NCAM2: variants seen among roughly 807,000 people sequenced by gnomAD.
The protein encoded by NCAM2 is N-CAM-2.
NCAM2 carries 30 observed loss-of-function variants against 98.1 expected under a neutral mutation model. The observed-to-expected ratio is 0.31, with a 90% CI of 0.23 to 0.41. The LOEUF is 0.41. Ranked by LOEUF, NCAM2 falls within the 10% of genes least tolerant of loss-of-function variation. The pLI, the probability that NCAM2 is intolerant of heterozygous loss-of-function variation, is 1.00. For missense variants in NCAM2, 867 were observed against 1,005.8 expected, an observed-to-expected ratio of 0.86 and a Z score of 1.87; for synonymous variants, 368 against 342.4, an observed-to-expected ratio of 1.07 and a Z score of -0.83.
rs1568855390 is a variant in NCAM2, at chr21:21,265,031, G to GTGTCTGTGTATATATATACACA, written c.56-15546_56-15545insGTCTGTGTATATATATACACAT. ...ACATATATATTATATATGTGTCTGT[G>GTGTCTGTGTATATATATACACA]TATATATGTACACATATATACTATA... On this transcript the variant is annotated intron_variant, in intron 1 of 17. Transcript: ENST00000400546. Among the ~76,000 whole-genome samples the GTGTCTGTGTATATATATACACA allele has an allele frequency of 7.6e-5, 5 of 65,532 alleles. 1 individual carries two copies. Among genetic ancestry groups the GTGTCTGTGTATATATATACACA allele is most frequent in the Non-Finnish European group, 1.9e-4 (5 of 26,820 alleles). 43.0% of individuals were successfully genotyped at this position (65,532 alleles called of 152,430 possible). A position where few individuals can be genotyped will look rare whatever the true frequency, so the allele number is the denominator to read the frequency against.
intron 15 of NCAM2, among the ~76,000 whole-genome samples, chr21:21,492,736 A>G (rs1434183808): frequency 6.6e-6 from 1 of 151,936 alleles, no homozygotes; most frequent in Non-Finnish European, 1.5e-5. Flanking sequence ...CAATTTGCAT[A>G]GCAGCTATGT....
intron 1 of NCAM2, among the ~76,000 whole-genome samples, chr21:21,040,169 G>A (rs1555874994): frequency 6.6e-6 from 1 of 152,222 alleles, no homozygotes; most frequent in Non-Finnish European, 1.5e-5. Flanking sequence ...TTTAGAAAGA[G>A]GGAAAAAACT....
At chr21:21,242,171 A>G (rs1197911800) in intron 1 of NCAM2, among the ~76,000 whole-genome samples, 1 of 151,778 alleles carries the variant, frequency 6.6e-6, no homozygotes, top group African/African-American at 2.4e-5. Flanking sequence ...AAACCTCCCT[A>G]TTGTCTGTAT....
At chr21:21,318,090 G>T (rs2074271492) in intron 5 of NCAM2, among the ~76,000 whole-genome samples, 1 of 152,166 alleles carries the variant, frequency 6.6e-6, no homozygotes, top group Non-Finnish European at 1.5e-5. Context: ...CAGATACATG[G>T]TTGGAAAAGG....
chr21:21,245,665 T>C (rs771684255), intron 1 of NCAM2, among the ~76,000 whole-genome samples: 1 of 152,244 alleles, frequency 6.6e-6, no homozygotes, highest in Non-Finnish European at 1.5e-5. Context: ...CCCAAAATCA[T>C]GTTGTAAACA....
intron 15 of NCAM2, among the ~76,000 whole-genome samples, chr21:21,483,374 T>C (rs1986063517): frequency 6.6e-6 from 1 of 151,040 alleles, no homozygotes; most frequent in African/African-American, 2.5e-5. Flanking sequence ...CTAAAAAAAA[T>C]AATATAAATC....
chr21:21,438,478 A>C (rs1437739226), intron 12 of NCAM2, among the ~76,000 whole-genome samples: 1 of 152,120 alleles, frequency 6.6e-6, no homozygotes, highest in Non-Finnish European at 1.5e-5. Flanking sequence ...AATTATCCCA[A>C]CCAATGATGT....
intron 16 of NCAM2, among the ~76,000 whole-genome samples, chr21:21,530,080 ATAATTTAATT>A (rs948196661): frequency 7.0e-6 from 1 of 143,020 alleles, no homozygotes; most frequent in Non-Finnish European, 1.5e-5. Context: ...ATAAAATTAT[ATAATTTAATT>A]TAATTTAATT....
chr21:21,113,087 C>A (rs1357527274), intron 1 of NCAM2, among the ~76,000 whole-genome samples: 1 of 151,512 alleles, frequency 6.6e-6, no homozygotes, highest in Non-Finnish European at 1.5e-5. Flanking sequence ...CAGTGGTTCT[C>A]AAAGTGACAA....
At chr21:21,173,666 A>G (rs558393053) in intron 1 of NCAM2, among the ~76,000 whole-genome samples, 21 of 152,310 alleles carry the variant, frequency 1.4e-4, no homozygotes, top group Admixed American at 2.0e-4. Flanking sequence ...AGACAGTTGG[A>G]TGTAAATACA....
intron 1 of NCAM2, among the ~76,000 whole-genome samples, chr21:21,044,763 T>A: frequency 6.6e-6 from 1 of 151,350 alleles, no homozygotes; most frequent in African/African-American, 2.4e-5. Context: ...CCCAGGAGCT[T>A]GAGACCAGCC....
intron 1 of NCAM2, chr21:21,147,045 C>T (rs1184290564): frequency 1.6e-6 from 1 of 614,588 alleles, no homozygotes; most frequent in African/African-American, 4.2e-5. Context: ...CACTCCGGAA[C>T]TCATACGGCT....
At chr21:21,474,010 A>C (rs571338541) in intron 14 of NCAM2, among the ~76,000 whole-genome samples, 1 of 152,030 alleles carries the variant, frequency 6.6e-6, no homozygotes, top group East Asian at 1.9e-4. Flanking sequence ...AATAATAGCC[A>C]TATTCAGCAA....
At position 21,285,223 on chromosome 21, in the gene NCAM2, G is replaced by A. The variant is rs547958746; in HGVS notation, c.337+823G>A. 2.0e-5 allele frequency among the ~76,000 whole-genome samples: 3 copies of A among 151,854 alleles called. No individual in the cohort carries two copies. The South Asian group carries it at 6.2e-4, about 32-fold the overall frequency. On this transcript the variant is annotated intron_variant, in intron 3 of 17. Transcript: ENST00000400546. ...ATAGGTAGTTAGCATTTCTACCAAT[G>A]GTAAATTATATATATATTAGGAATG...
chr21:21,455,565 AAAAT>A (rs1982021896), intron 12 of NCAM2, among the ~76,000 whole-genome samples: 6 of 152,016 alleles, frequency 3.9e-5, no homozygotes, highest in Admixed American at 2.0e-4. Context: ...AACATGTTTT[AAAAT>A]GCTATATATC....
At chr21:21,084,528 T>C (rs747634578) in intron 1 of NCAM2, among the ~76,000 whole-genome samples, 10 of 152,226 alleles carry the variant, frequency 6.6e-5, no homozygotes, top group Non-Finnish European at 1.3e-4. Context: ...ATTTCAAAAA[T>C]GTTATATAAG....
chr21:21,101,548 TA>T (rs1256547871), intron 1 of NCAM2, among the ~76,000 whole-genome samples: 2 of 152,086 alleles, frequency 1.3e-5, no homozygotes, highest in Non-Finnish European at 2.9e-5. Flanking sequence ...GCTGTAACTT[TA>T]AAGCTTTCTT....
intron 9 of NCAM2, among the ~76,000 whole-genome samples, chr21:21,402,347 C>A (rs189648489): frequency 6.6e-6 from 1 of 152,054 alleles, no homozygotes; most frequent in Non-Finnish European, 1.5e-5. Context: ...AGTGTCTATC[C>A]TATGTGGTTG....
chr21:21,099,746 A>G (rs142812424), intron 1 of NCAM2, among the ~76,000 whole-genome samples: 155 of 151,984 alleles, frequency 1.0e-3, no homozygotes, highest in Non-Finnish European at 8.0e-4. Flanking sequence ...CCAAGTGTCA[A>G]CAGCAGTATT....
Sources: gnomAD v4.1 joint callset for allele counts (sites outside exome capture counted in the v4.1 genomes callset) on GRCh38, gnomAD v4.1.1 for gene constraint, MANE v1.5 for transcripts, NCBI Gene and HGNC (gene_info 2026-07-23, HGNC 2026-07-21) for gene names.